COX17: variants seen among roughly 807,000 people sequenced by gnomAD.
The protein encoded by COX17 is cytochrome c oxidase copper chaperone.
COX17 carries 1 observed loss-of-function variant against 6.3 expected under a neutral mutation model. That is an observed-to-expected ratio of 0.16 (90% CI 0.06 to 0.75). The LOEUF is 0.75. Ranked by LOEUF, COX17 falls within the 30% of genes least tolerant of loss-of-function variation. COX17 has a pLI of 0.77. For synonymous variants in COX17, 26 were observed against 30.5 expected (o/e 0.85, Z 0.49); for missense variants, 73 against 81.2 (o/e 0.90, Z 0.39).
At chr3:119,676,898 TCTC>T (rs1398141499) in intron 1 of COX17, 1 of 702,484 alleles carries the variant, frequency 1.4e-6, no homozygotes, top group African/African-American at 1.8e-5. Flanking sequence ...AGCTTGCCGT[TCTC>T]CTCTCTCTCC....
chr3:119,672,395 G>T (rs1316701849), intron 2 of COX17, among the ~76,000 whole-genome samples: 2 of 152,070 alleles, frequency 1.3e-5, no homozygotes, highest in African/African-American at 4.8e-5. Context: ...TATAACAATT[G>T]TACCACCTTT....
At chr3:119,676,448 A>G (rs1445123498) in intron 1 of COX17, among the ~76,000 whole-genome samples, 4 of 152,370 alleles carry the variant, frequency 2.6e-5, no homozygotes, top group Middle Eastern at 3.4e-3. Context: ...TTATCTGAGG[A>G]CGTCCTCTAA....
At chr3:119,673,039 C>T (rs1344627338) in intron 2 of COX17, among the ~76,000 whole-genome samples, 1 of 152,112 alleles carries the variant, frequency 6.6e-6, no homozygotes, top group Admixed American at 6.5e-5. Flanking sequence ...AGAAGCCAGG[C>T]TCTCTAGTAC....
chr3:119,669,926 T>G (rs565659818), intron 2 of COX17, among the ~76,000 whole-genome samples: 1 of 152,328 alleles, frequency 6.6e-6, no homozygotes, highest in East Asian at 1.9e-4. Flanking sequence ...TGCGTGTATA[T>G]ATATATAATA....
At chr3:119,667,614 A>C (rs2053003885), downstream of COX17, among the ~76,000 whole-genome samples, 3 of 151,832 alleles carry the variant, frequency 2.0e-5, no homozygotes, top group Admixed American at 2.0e-4. Context: ...GACACTTGTA[A>C]AGACTTTCCA....
At position 119,677,282 on chromosome 3, in the gene COX17, G is replaced by A; in HGVS notation, c.29C>T (p.Ala10Val). 6.2e-7 allele frequency: 1 copy of A among 1,611,988 alleles called. No individual in the cohort carries two copies. The highest frequency in any genetic ancestry group is 8.5e-7 in the Non-Finnish European group (1 of 1,179,948). The change falls in exon 1 of 3, where the codon GCC (alanine) becomes GTC (valine). Residue 10 changes from alanine to valine, a missense_variant. Physicochemically the swap from Ala to Val is moderately conservative, Grantham distance 64. Transcript: ENST00000261070. MPGLVDSNPAPPESQEKKPL... is the reference protein window; with the variant it reads MPGLVDSNPVPPESQEKKPL... ...CTTCTTCTCCTGAGACTCAGGCGGGGCAGGGTTTGAGTCAACCAGACCCGG... is the reference window on the plus strand; with the variant it reads ...CTTCTTCTCCTGAGACTCAGGCGGGACAGGGTTTGAGTCAACCAGACCCGG...
At chr3:119,667,900 C>T (rs917492635), downstream of COX17, among the ~76,000 whole-genome samples, 2 of 152,020 alleles carry the variant, frequency 1.3e-5, no homozygotes, top group African/African-American at 4.8e-5. Flanking sequence ...GACTGAGACC[C>T]AATTCCTAGA....
At chr3:119,674,863 G>T in intron 2 of COX17, 2 of 290,602 alleles carry the variant, frequency 6.9e-6, no homozygotes, top group Non-Finnish European at 1.3e-5. Context: ...AAGAGAATAT[G>T]TTTCTTTTAG....
chr3:119,676,258 T>C (rs2107836188), intron 1 of COX17, among the ~76,000 whole-genome samples: 1 of 152,376 alleles, frequency 6.6e-6, no homozygotes, highest in South Asian at 2.1e-4. Context: ...CTGTTACCAC[T>C]GGAACAATTT....
intron 2 of COX17, among the ~76,000 whole-genome samples, chr3:119,672,765 G>T (rs919897209): frequency 6.6e-5 from 10 of 152,240 alleles, no homozygotes; most frequent in Admixed American, 5.9e-4. Context: ...AATGTATTAT[G>T]GTTCTCTTTT....
chr3:119,667,538 CCTCA>C (rs1559734066), downstream of COX17, among the ~76,000 whole-genome samples: 1 of 152,072 alleles, frequency 6.6e-6, no homozygotes, highest in Non-Finnish European at 1.5e-5. Flanking sequence ...TGGGGGCAGT[CCTCA>C]CTCAAAGCCT....
chr3:119,672,374 T>A (rs2053052943), intron 2 of COX17, among the ~76,000 whole-genome samples: 1 of 152,276 alleles, frequency 6.6e-6, no homozygotes, highest in African/African-American at 2.4e-5. Flanking sequence ...TACTTTTGAA[T>A]ATATGCCACT....
intron 1 of COX17, chr3:119,676,626 G>A (rs941184655): frequency 9.9e-6 from 5 of 507,468 alleles, no homozygotes; most frequent in Admixed American, 3.2e-5. Context: ...AGAACTGTAA[G>A]GAATACACTC....
chr3:119,677,304 C>T lies in COX17; in HGVS notation c.7G>A (p.Gly3Ser), dbSNP rs141108342. ...GGGGCAGGGTTTGAGTCAACCAGACCCGGCATCTTTCGCGCCAAAAGCAGC... is the reference window on the plus strand; with the variant it reads ...GGGGCAGGGTTTGAGTCAACCAGACTCGGCATCTTTCGCGCCAAAAGCAGC... MPGLVDSNPAPPE... is the reference protein window; with the variant it reads MPSLVDSNPAPPE... Residue 3 changes from glycine to serine, a missense_variant, in exon 1 of 3, where the codon GGT becomes AGT. Coordinates refer to ENST00000261070, the MANE Select transcript of COX17 (RefSeq NM_005694.2). 209 of 1,611,334 alleles carry T rather than the reference C, an allele frequency of 1.3e-4. No individual in the cohort carries two copies. The highest frequency in any genetic ancestry group is 1.7e-4 in the Non-Finnish European group (202 of 1,179,672).
At chr3:119,672,712 T>C (rs1157481650) in intron 2 of COX17, among the ~76,000 whole-genome samples, 2 of 152,250 alleles carry the variant, frequency 1.3e-5, no homozygotes, top group Non-Finnish European at 2.9e-5. Context: ...AAGTATATCA[T>C]TTACACAACA....
chr3:119,666,727 AG>A (rs111464380), downstream of COX17, among the ~76,000 whole-genome samples: 1 of 152,326 alleles, frequency 6.6e-6, no homozygotes, highest in African/African-American at 2.4e-5. Flanking sequence ...GTATGTCCTC[AG>A]TAAGTGATGA....
chr3:119,665,746 C>G (rs1271296411), downstream of COX17, among the ~76,000 whole-genome samples: 1 of 152,158 alleles, frequency 6.6e-6, no homozygotes, highest in Admixed American at 6.5e-5. Flanking sequence ...AACTTCCTAA[C>G]AGGGAGGTAA....
chr3:119,670,621 C>T (rs80226492), intron 2 of COX17, among the ~76,000 whole-genome samples: 3,066 of 152,228 alleles, frequency 0.02, 41 homozygotes, highest in Middle Eastern at 0.071. Flanking sequence ...AAGTCTTTGA[C>T]TGGAGGGATA....
chr3:119,675,019 C>T (rs2053085207), intron 2 of COX17, 126 bp downstream of exon 2: 2 of 659,254 alleles, frequency 3.0e-6, no homozygotes, highest in Admixed American at 5.3e-5. Flanking sequence ...ACTGAAAAAT[C>T]ATGGTTTTTT....
Sources: allele counts gnomAD v4.1 joint callset (sites outside exome capture counted in the v4.1 genomes callset), GRCh38; gene constraint gnomAD v4.1.1; transcripts MANE v1.5; gene names NCBI Gene and HGNC (gene_info 2026-07-23, HGNC 2026-07-21).